Variants in TRPM3 observed in about 807,000 individuals in gnomAD.
TRPM3 encodes long transient receptor potential channel 3.
A neutral mutation model predicts 181.2 loss-of-function variants in TRPM3; 77 were observed. The ratio of observed to expected loss-of-function variants is 0.42; its 90% CI spans 0.35 to 0.51. The LOEUF (loss-of-function observed/expected upper bound fraction) is 0.51. Ranked by LOEUF, TRPM3 falls within the 20% of genes least tolerant of loss-of-function variation. The pLI, the probability that TRPM3 is intolerant of heterozygous loss-of-function variation, is 0.01. For missense variants in TRPM3, 1,759 were observed against 2,196.7 expected, an observed-to-expected ratio of 0.80 and a Z score of 3.98; for synonymous variants, 745 against 796.4, an observed-to-expected ratio of 0.94 and a Z score of 1.09.
intron 1 of TRPM3, among the ~76,000 whole-genome samples, chr9:70,866,792 T>A (rs10511989): frequency 0.43 from 65,058 of 151,746 alleles, 14,070 homozygotes; most frequent in Admixed American, 0.47. Context: ...AACCAGATGA[T>A]TCAGATAAAG....
intron 1 of TRPM3, among the ~76,000 whole-genome samples, chr9:71,058,573 G>T (rs1415302323): frequency 6.6e-6 from 1 of 151,976 alleles, no homozygotes; most frequent in Non-Finnish European, 1.5e-5. Flanking sequence ...GGAGACAGAA[G>T]TTCTGCTGCA....
chr9:71,265,018 T>A (rs1488104675), intron 1 of TRPM3, among the ~76,000 whole-genome samples: 1 of 152,208 alleles, frequency 6.6e-6, no homozygotes, highest in Non-Finnish European at 1.5e-5. Flanking sequence ...TTAATTTGGA[T>A]GATAGCAAAG....
chr9:71,420,296 C>A (rs1202988260), intron 1 of TRPM3, among the ~76,000 whole-genome samples: 1 of 151,872 alleles, frequency 6.6e-6, no homozygotes, highest in Non-Finnish European at 1.5e-5. Context: ...TCTCTGTTGA[C>A]CACTTCCCTC....
At chr9:71,392,360 A>G (rs2093081932) in intron 1 of TRPM3, among the ~76,000 whole-genome samples, 1 of 152,086 alleles carries the variant, frequency 6.6e-6, no homozygotes, top group African/African-American at 2.4e-5. Flanking sequence ...AGCCTAGGAC[A>G]ATGTGGGTAG....
intron 1 of TRPM3, among the ~76,000 whole-genome samples, chr9:71,276,897 T>C (rs2084257262): frequency 1.3e-5 from 2 of 152,314 alleles, no homozygotes; most frequent in East Asian, 3.9e-4. Context: ...AAACCCCATG[T>C]GTGCCTCATA....
intron 9 of TRPM3, among the ~76,000 whole-genome samples, chr9:70,642,597 G>C (rs1589693589): frequency 6.6e-6 from 1 of 152,148 alleles, no homozygotes; most frequent in South Asian, 2.1e-4. Flanking sequence ...ATGGGATCCA[G>C]GCGCGGATAT....
chr9:71,163,323 A>G (rs1279174170), intron 1 of TRPM3, among the ~76,000 whole-genome samples: 1 of 151,958 alleles, frequency 6.6e-6, no homozygotes, highest in Non-Finnish European at 1.5e-5. Context: ...AAGAGGGGAA[A>G]CAAGATATAG....
At chr9:70,912,845 A>G (rs914588878) in intron 1 of TRPM3, among the ~76,000 whole-genome samples, 1 of 152,190 alleles carries the variant, frequency 6.6e-6, no homozygotes, top group Non-Finnish European at 1.5e-5. Context: ...GGTACAATTG[A>G]CATTCAATAA....
At chr9:70,945,854 G>C (rs2096927325) in intron 1 of TRPM3, among the ~76,000 whole-genome samples, 1 of 152,170 alleles carries the variant, frequency 6.6e-6, no homozygotes, top group African/African-American at 2.4e-5. Flanking sequence ...GCTGTGGGGA[G>C]AGAAGGGGAG....
intron 1 of TRPM3, among the ~76,000 whole-genome samples, chr9:71,424,430 A>G (rs1220423712): frequency 6.6e-6 from 1 of 152,156 alleles, no homozygotes; most frequent in Non-Finnish European, 1.5e-5. Context: ...AATTCTATGC[A>G]TATAAATGAG....
At position 71,144,502 on chromosome 9, in the gene TRPM3, G is replaced by A. The variant is rs140204838; in HGVS notation, c.184-279991C>T. On this transcript the variant is annotated intron_variant, in intron 1 of 24. Transcript: ENST00000357533. ...GTACCCTTAAGATAAGAAGAATATC[G>A]TGAGATTTGGGACTTGGCTTAGGGG... Among the ~76,000 whole-genome samples the A allele has an allele frequency of 2.0e-3, 309 of 152,158 alleles. 11 individuals carry two copies. In the East Asian group the frequency reaches 0.055, roughly 27 times the overall value.
chr9:71,011,782 G>GT (rs1246219196), intron 1 of TRPM3, among the ~76,000 whole-genome samples: 1,891 of 93,078 alleles, frequency 0.02, 74 homozygotes, highest in African/African-American at 0.037. Flanking sequence ...TTTTTTTTTT[G>GT]TTTTTTTGTT....
At chr9:70,562,979 C>G (rs1476430264) in intron 22 of TRPM3, among the ~76,000 whole-genome samples, 1 of 152,216 alleles carries the variant, frequency 6.6e-6, no homozygotes, top group Non-Finnish European at 1.5e-5. Context: ...GTTTCTATCA[C>G]TAAACAGGTG....
chr9:71,114,770 T>C (rs1433402242), intron 1 of TRPM3, among the ~76,000 whole-genome samples: 3 of 152,172 alleles, frequency 2.0e-5, no homozygotes, highest in African/African-American at 7.2e-5. Context: ...CCAAGGGCCA[T>C]TCATTATAGC....
intron 1 of TRPM3, among the ~76,000 whole-genome samples, chr9:71,367,319 C>T (rs1052962568): frequency 1.3e-5 from 2 of 152,018 alleles, no homozygotes; most frequent in Non-Finnish European, 2.9e-5. Flanking sequence ...AGCTGACCAC[C>T]CTGGAATGTC....
chr9:71,394,480 G>T (rs1230504339), intron 1 of TRPM3, among the ~76,000 whole-genome samples: 2 of 152,166 alleles, frequency 1.3e-5, no homozygotes, highest in Non-Finnish European at 2.9e-5. Context: ...GATACATGGA[G>T]ACTACAAGCT....
intron 8 of TRPM3, among the ~76,000 whole-genome samples, chr9:70,686,463 T>A (rs1368018554): frequency 2.0e-5 from 3 of 152,324 alleles, no homozygotes; most frequent in African/African-American, 7.2e-5. Context: ...TAATTTATTA[T>A]TCTGATTTTA....
intron 2 of TRPM3, among the ~76,000 whole-genome samples, chr9:70,863,475 G>A (rs767884174): frequency 2.0e-5 from 3 of 152,028 alleles, no homozygotes; most frequent in Non-Finnish European, 4.4e-5. Flanking sequence ...ATCAAAGCAC[G>A]AAGGTCTCTG....
At chr9:71,180,769 A>T (rs1179120876) in intron 1 of TRPM3, among the ~76,000 whole-genome samples, 1 of 152,172 alleles carries the variant, frequency 6.6e-6, no homozygotes, top group Non-Finnish European at 1.5e-5. Flanking sequence ...TTAAGATTTG[A>T]AATTTTTTGA....
Sources: gnomAD v4.1 joint callset for allele counts (sites outside exome capture counted in the v4.1 genomes callset) on GRCh38, gnomAD v4.1.1 for gene constraint, MANE v1.5 for transcripts, NCBI Gene and HGNC (gene_info 2026-07-23, HGNC 2026-07-21) for gene names.